Variants in SLC44A5 observed in about 807,000 individuals in gnomAD.
SLC44A5 encodes choline transporter-like protein 5.
Under a neutral mutation model 101.8 loss-of-function variants are expected in SLC44A5, and 57 were observed. The ratio of observed to expected loss-of-function variants is 0.56; its 90% CI spans 0.45 to 0.70. The LOEUF is 0.70. Among genes scored for constraint, SLC44A5 ranks in the 30% least tolerant of loss-of-function variants. The pLI, the probability that SLC44A5 is intolerant of heterozygous loss-of-function variation, is 0.00. For synonymous variants in SLC44A5, 281 were observed against 290.9 expected (o/e 0.97, Z 0.35); for missense variants, 737 against 853.1 (o/e 0.86, Z 1.70).
chr1:75,485,126 C>G (rs1375763088), intron 2 of SLC44A5, among the ~76,000 whole-genome samples: 1 of 152,244 alleles, frequency 6.6e-6, no homozygotes, highest in African/African-American at 2.4e-5. Context: ...ATTCTAACAG[C>G]AAGCAGCTTA....
intron 1 of SLC44A5, among the ~76,000 whole-genome samples, chr1:75,560,577 T>C (rs545757892): frequency 1.3e-5 from 2 of 152,302 alleles, no homozygotes; most frequent in East Asian, 3.9e-4. Flanking sequence ...AATAGTTGAC[T>C]GGTATAGCAT....
the SLC44A5 span, among the ~76,000 whole-genome samples, chr1:75,694,902 G>T: frequency 1.3e-5 from 2 of 152,142 alleles, no homozygotes; most frequent in Non-Finnish European, 2.9e-5. Context: ...AGCGAAGTTG[G>T]TTGGGACGCT....
chr1:75,478,958 G>C (rs1052599474), intron 2 of SLC44A5, among the ~76,000 whole-genome samples: 5 of 152,288 alleles, frequency 3.3e-5, no homozygotes, highest in African/African-American at 1.2e-4. Flanking sequence ...ATTTGTTTCA[G>C]CACCACACCA....
At chr1:75,264,260 C>T (rs756610253) in intron 6 of SLC44A5, among the ~76,000 whole-genome samples, 8 of 152,298 alleles carry the variant, frequency 5.3e-5, no homozygotes, top group South Asian at 2.1e-4. Flanking sequence ...CATCCCCTAC[C>T]TGCAGCCATG....
At chr1:75,683,210 G>T in the SLC44A5 span, among the ~76,000 whole-genome samples, 2 of 151,406 alleles carry the variant, frequency 1.3e-5, no homozygotes, top group African/African-American at 4.9e-5. Context: ...ATTCCTCTGG[G>T]ATCTAGAACT....
intron 3 of SLC44A5, among the ~76,000 whole-genome samples, chr1:75,371,812 G>A (rs934221417): frequency 2.0e-5 from 3 of 152,134 alleles, no homozygotes; most frequent in Non-Finnish European, 4.4e-5. Context: ...TTTTCACACA[G>A]GTGAGGAACA....
At chr1:75,711,664 C>T in the SLC44A5 span, among the ~76,000 whole-genome samples, 1 of 152,106 alleles carries the variant, frequency 6.6e-6, no homozygotes, top group Non-Finnish European at 1.5e-5. Context: ...AAGTCAAGGA[C>T]AAGGGTCATT....
intron 2 of SLC44A5, among the ~76,000 whole-genome samples, chr1:75,529,194 G>T (rs963152699): frequency 6.6e-6 from 1 of 152,054 alleles, no homozygotes; most frequent in Non-Finnish European, 1.5e-5. Context: ...AGTAACCCAA[G>T]GTCTAATTTT....
intron 2 of SLC44A5, among the ~76,000 whole-genome samples, chr1:75,426,660 G>A (rs1289484936): frequency 6.6e-6 from 1 of 152,218 alleles, no homozygotes; most frequent in Non-Finnish European, 1.5e-5. Context: ...AGAAGTAAGA[G>A]TCTACCTCCC....
intron 1 of SLC44A5, among the ~76,000 whole-genome samples, chr1:75,558,092 A>G (rs1265419982): frequency 6.6e-6 from 1 of 151,382 alleles, no homozygotes; most frequent in African/African-American, 2.5e-5. Flanking sequence ...TAACTGCTAC[A>G]GTAAATTTAT....
rs565202233 is a variant in SLC44A5 at position 75,352,825 on chromosome 1, G to GT, written c.53-13196dup. The stretch of plus-strand genomic sequence containing the variant: ...AATACGGTTCATGGCAGCAGCATTT[G>GT]TAATAGCCAAAAATTTAAAACAATC... On this transcript the variant is annotated intron_variant, in intron 3 of 23. Coordinates refer to ENST00000370859, the MANE Select transcript of SLC44A5 (RefSeq NM_001130058.2). Among the ~76,000 whole-genome samples the GT allele has an allele frequency of 2.4e-3, 367 of 152,276 alleles. 1 individual carries two copies. The highest frequency in any genetic ancestry group is 4.1e-3 in the Non-Finnish European group (282 of 68,026).
upstream of SLC44A5, among the ~76,000 whole-genome samples, chr1:75,615,489 G>A (rs1190211189): frequency 1.4e-5 from 2 of 144,142 alleles, no homozygotes; most frequent in Admixed American, 1.4e-4. Context: ...GAGAGGGAGA[G>A]AGAGAGAGAT....
intron 2 of SLC44A5, among the ~76,000 whole-genome samples, chr1:75,463,164 G>A (rs981939468): frequency 2.0e-5 from 3 of 152,186 alleles, no homozygotes; most frequent in African/African-American, 4.8e-5. Flanking sequence ...GCTCACGCCT[G>A]TAATCCCAGT....
intron 2 of SLC44A5, among the ~76,000 whole-genome samples, chr1:75,490,467 G>A (rs1478343331): frequency 6.6e-6 from 1 of 152,024 alleles, no homozygotes; most frequent in Admixed American, 6.6e-5. Flanking sequence ...AATTAATAAG[G>A]TTGGTCTCTC....
intron 2 of SLC44A5, among the ~76,000 whole-genome samples, chr1:75,503,090 A>G (rs1669055547): frequency 6.6e-6 from 1 of 152,192 alleles, no homozygotes; most frequent in Non-Finnish European, 1.5e-5. Context: ...ATTCGAAGTA[A>G]TACAGCCACA....
At chr1:75,230,127 C>T (rs1647413322) in intron 12 of SLC44A5, among the ~76,000 whole-genome samples, 1 of 152,168 alleles carries the variant, frequency 6.6e-6, no homozygotes, top group Non-Finnish European at 1.5e-5. Flanking sequence ...TTTAATCTAA[C>T]ATTTTTATTT....
the SLC44A5 span, among the ~76,000 whole-genome samples, chr1:75,616,516 C>T: frequency 6.6e-6 from 1 of 152,224 alleles, no homozygotes; most frequent in East Asian, 1.9e-4. Context: ...CACCCGTCTT[C>T]ACAGGCCAAC....
intron 2 of SLC44A5, among the ~76,000 whole-genome samples, chr1:75,482,530 G>T (rs889463811): frequency 6.6e-6 from 1 of 152,020 alleles, no homozygotes; most frequent in African/African-American, 2.4e-5. Flanking sequence ...TGTGTATATG[G>T]CACACACTAT....
At chr1:75,596,433 C>G (rs1674639750) in intron 1 of SLC44A5, among the ~76,000 whole-genome samples, 1 of 152,104 alleles carries the variant, frequency 6.6e-6, no homozygotes, top group South Asian at 2.1e-4. Context: ...GGGAGAGTGA[C>G]TCCTCTCTAA....
Sources: gnomAD v4.1 joint callset for allele counts (sites outside exome capture counted in the v4.1 genomes callset) on GRCh38, gnomAD v4.1.1 for gene constraint, MANE v1.5 for transcripts, NCBI Gene and HGNC (gene_info 2026-07-23, HGNC 2026-07-21) for gene names.